The following LURAP1L variants were observed in gnomAD, a reference collection of about 807,000 sequenced individuals.
LURAP1L encodes the protein leucine rich adaptor protein 1-like.
A neutral mutation model predicts 13.8 loss-of-function variants in LURAP1L; 12 were observed. The ratio of observed to expected loss-of-function variants is 0.87; its 90% CI spans 0.56 to 1.41. The LOEUF is 1.41. LURAP1L is among the 40% of genes most tolerant of loss of function. The pLI, the probability that LURAP1L is intolerant of heterozygous loss-of-function variation, is 0.00. For missense variants in LURAP1L, 375 were observed against 292.9 expected, an observed-to-expected ratio of 1.28 and a Z score of -2.04; for synonymous variants, 139 against 119.2, an observed-to-expected ratio of 1.17 and a Z score of -1.08.
At chr9:12,813,371 T>G (rs986639345) in intron 1 of LURAP1L, among the ~76,000 whole-genome samples, 6 of 152,190 alleles carry the variant, frequency 3.9e-5, no homozygotes, top group African/African-American at 1.4e-4. Context: ...TTTTTGAGGT[T>G]TTTAAAACAT....
intron 1 of LURAP1L, among the ~76,000 whole-genome samples, chr9:12,779,571 A>G (rs1256171237): frequency 6.6e-6 from 1 of 152,060 alleles, no homozygotes; most frequent in Non-Finnish European, 1.5e-5. Flanking sequence ...TGTACGGCCG[A>G]AACTTTATAA....
chr9:12,815,254 C>T (rs975289674), intron 1 of LURAP1L, among the ~76,000 whole-genome samples: 2 of 152,100 alleles, frequency 1.3e-5, no homozygotes, highest in African/African-American at 2.4e-5. Flanking sequence ...ACACAAGGAG[C>T]TTATGCAAAA....
In LURAP1L at chr9:12,783,676, C is replaced by T. The variant is rs531305214; in HGVS notation, c.312+7649C>T. ...GCCTATACTTTCTCTTTTTTTGATA[C>T]GTCTTTGCTTGATTTTGATATCAGG... On this transcript the variant is annotated intron_variant, in intron 1 of 1. Transcript: ENST00000319264. Among the ~76,000 whole-genome samples the T allele has an allele frequency of 1.0e-3, 155 of 151,900 alleles. 1 individual carries two copies. The highest frequency in any genetic ancestry group is 3.1e-3 in the African/African-American group (127 of 41,480).
intron 1 of LURAP1L, among the ~76,000 whole-genome samples, chr9:12,785,753 T>C (rs1819341595): frequency 6.6e-6 from 1 of 152,224 alleles, no homozygotes; most frequent in African/African-American, 2.4e-5. Flanking sequence ...GAGGAGGGGC[T>C]GTGTAAGCAA....
intron 1 of LURAP1L, among the ~76,000 whole-genome samples, chr9:12,785,321 G>C (rs1819334402): frequency 6.6e-6 from 1 of 152,022 alleles, no homozygotes; most frequent in African/African-American, 2.4e-5. Flanking sequence ...ACTGTCTGGG[G>C]CTGGGGGAGG....
At chr9:12,777,242 G>A in intron 1 of LURAP1L, 1 of 985,306 alleles carries the variant, frequency 1.0e-6, no homozygotes, top group East Asian at 1.1e-4. Context: ...ACATAATGGA[G>A]AAGCTGGAAA....
intron 1 of LURAP1L, among the ~76,000 whole-genome samples, chr9:12,811,878 G>A (rs943386005): frequency 1.3e-5 from 2 of 152,152 alleles, no homozygotes; most frequent in Non-Finnish European, 2.9e-5. Flanking sequence ...CCATCAAGGT[G>A]CCTTGATGAG....
intron 1 of LURAP1L, among the ~76,000 whole-genome samples, chr9:12,791,357 C>A (rs1341107750): frequency 1.3e-5 from 2 of 152,042 alleles, no homozygotes; most frequent in South Asian, 4.1e-4. Flanking sequence ...TTTTTTGTCT[C>A]TACGTGAACC....
In LURAP1L at chr9:12,803,088, T is replaced by C. The variant is rs182940294; in HGVS notation, c.313-18298T>C. ...CTCATCGATTTCTTCATTCAGCATA[T>C]GTTTATTGCTTTTCCATGTGCCACT... On this transcript the variant is annotated intron_variant, in intron 1 of 1. Coordinates refer to ENST00000319264, the MANE Select transcript of LURAP1L (RefSeq NM_203403.2). 4.6e-5 allele frequency among the ~76,000 whole-genome samples: 7 copies of C among 152,356 alleles called. No individual in the cohort carries two copies. The East Asian group carries it at 1.4e-3, about 29-fold the overall frequency.
intron 1 of LURAP1L, among the ~76,000 whole-genome samples, chr9:12,802,678 G>A (rs1307821700): frequency 2.0e-5 from 3 of 152,124 alleles, no homozygotes; most frequent in Admixed American, 6.5e-5. Context: ...CTGCAGCACA[G>A]AAGTGGGTTA....
At position 12,775,925 on chromosome 9, in the gene LURAP1L, GTCC is replaced by G. The variant is rs768377441; in HGVS notation, c.216_218del (p.Ser76del). 53 of 1,572,412 alleles carry G rather than the reference GTCC, an allele frequency of 3.4e-5. No individual in the cohort carries two copies. The Middle Eastern group carries it at 6.7e-4, about 20-fold the overall frequency. Reference sequence around the variant, plus strand: ...ACTGCAGCTTCCCTCCCTCCTTGTCGTCCTCCTCTTCGTCCTCCCCAACCTCTG... The same window carrying G: ...ACTGCAGCTTCCCTCCCTCCTTGTCGTCCTCTTCGTCCTCCCCAACCTCTG... On this transcript the variant is annotated inframe_deletion, in exon 1 of 2. Coordinates refer to ENST00000319264, the MANE Select transcript of LURAP1L (RefSeq NM_203403.2).
intron 1 of LURAP1L, among the ~76,000 whole-genome samples, chr9:12,818,985 T>A (rs1013698644): frequency 1.3e-5 from 2 of 152,204 alleles, no homozygotes; most frequent in Admixed American, 6.5e-5. Context: ...GATTTATAAA[T>A]GTTTGTTATA....
chr9:12,802,783 A>T (rs904787539), intron 1 of LURAP1L, among the ~76,000 whole-genome samples: 1 of 152,140 alleles, frequency 6.6e-6, no homozygotes, highest in African/African-American at 2.4e-5. Context: ...TTTGCTCAAT[A>T]TTCCAGATCC....
chr9:12,811,556 T>C (rs1050711543), intron 1 of LURAP1L, among the ~76,000 whole-genome samples: 2 of 152,312 alleles, frequency 1.3e-5, no homozygotes, highest in South Asian at 2.1e-4. Flanking sequence ...TGTTAACAAG[T>C]ATTTAACTAC....
chr9:12,777,269 TG>T, intron 1 of LURAP1L: 2 of 985,394 alleles, frequency 2.0e-6, no homozygotes, highest in Non-Finnish European at 2.4e-6. Flanking sequence ...GTCATCTTGA[TG>T]AGTTTGCAAA....
At chr9:12,794,762 C>T (rs1284679282) in intron 1 of LURAP1L, among the ~76,000 whole-genome samples, 2 of 151,740 alleles carry the variant, frequency 1.3e-5, no homozygotes, top group Non-Finnish European at 1.5e-5. Context: ...TAAATGTCCA[C>T]ACTTTGGACA....
chr9:12,787,098 G>A (rs373970095), intron 1 of LURAP1L, among the ~76,000 whole-genome samples: 1 of 152,056 alleles, frequency 6.6e-6, no homozygotes, highest in Non-Finnish European at 1.5e-5. Context: ...CATGCAAAGA[G>A]TACAAAAGTA....
Position 12,775,740 on chromosome 9 carries a change from C to A in LURAP1L, c.25C>A (p.Leu9Ile), listed in dbSNP as rs772707362. MEDSPLPD[L>I]RDIELKLGRK... ...CATGGAAGACAGCCCGCTGCCAGAC[C>A]TCAGAGACATCGAGCTGAAGCTGGG... The change falls in exon 1 of 2, where the codon CTC (leucine) becomes ATC (isoleucine). Residue 9 changes from leucine (L) to isoleucine (I), a missense_variant. Coordinates refer to ENST00000319264, the MANE Select transcript of LURAP1L (RefSeq NM_203403.2). 1.2e-6 allele frequency: 2 copies of A among 1,601,780 alleles called. No homozygotes were observed. The highest frequency in any genetic ancestry group is 1.7e-6 in the Non-Finnish European group (2 of 1,176,098).
chr9:12,787,046 T>C (rs538333933), intron 1 of LURAP1L, among the ~76,000 whole-genome samples: 7 of 152,268 alleles, frequency 4.6e-5, no homozygotes, highest in African/African-American at 1.7e-4. Flanking sequence ...AACAGTGAAC[T>C]GTTACATCTC....
Sources: allele counts gnomAD v4.1 joint callset (sites outside exome capture counted in the v4.1 genomes callset), GRCh38; gene constraint gnomAD v4.1.1; transcripts MANE v1.5; gene names NCBI Gene and HGNC (gene_info 2026-07-23, HGNC 2026-07-21).